Variants in CAMTA1 observed in about 807,000 individuals in gnomAD.
The protein encoded by CAMTA1 is calmodulin binding transcription activator 1.
Under a neutral mutation model 170.9 loss-of-function variants are expected in CAMTA1, and 27 were observed. The observed-to-expected ratio is 0.16, with a 90% confidence interval of 0.12 to 0.22. The LOEUF is 0.22. Among genes scored for constraint, CAMTA1 ranks in the 10% least tolerant of loss-of-function variants. The pLI is 1.00. For missense variants in CAMTA1, 1,619 were observed against 2,217.2 expected (o/e 0.73, Z 5.42); for synonymous variants, 833 against 891.5 (o/e 0.93, Z 1.17).
At chr1:7,135,107 C>A (rs1239067541) in intron 4 of CAMTA1, among the ~76,000 whole-genome samples, 1 of 152,160 alleles carries the variant, frequency 6.6e-6, no homozygotes, top group Admixed American at 6.5e-5. Context: ...TCAAATAAGG[C>A]CAAGTGCAGT....
In CAMTA1 at chr1:7,561,149, A is replaced by AT. The variant is rs2094951835; in HGVS notation, c.511-79251_511-79250insT. On this transcript the variant is annotated intron_variant, in intron 6 of 22. Coordinates refer to ENST00000303635, the MANE Select transcript of CAMTA1 (RefSeq NM_015215.4). The surrounding 1 kb of genome is among the most constrained non-coding windows in gnomAD (Gnocchi z 5.3). Reference sequence around the variant, plus strand: ...TCCAGGCATGGCCAGGGGCTGGCCGAGGGGGGCCGGTGGGTGGTGAATGAA... The same window carrying AT: ...TCCAGGCATGGCCAGGGGCTGGCCGATGGGGGGCCGGTGGGTGGTGAATGAA... Among the ~76,000 whole-genome samples the AT allele has an allele frequency of 6.6e-6, 1 of 151,964 alleles. No homozygotes were observed. The highest frequency in any genetic ancestry group is 1.5e-5 in the Non-Finnish European group (1 of 67,966).
chr1:7,754,883 TA>T (rs536453004), intron 21 of CAMTA1, among the ~76,000 whole-genome samples: 1 of 152,352 alleles, frequency 6.6e-6, no homozygotes, highest in South Asian at 2.1e-4. Flanking sequence ...GAAGAAATCC[TA>T]AAAATCTATC....
rs1666704113 is a variant in CAMTA1, at chr1:7,251,933, T to G, written c.438+2307T>G. Reference sequence around the variant, plus strand: ...ATTGTTTGCAGTTTACCTTTTCCACTCTGCATTGTGGTCTGAGCTGTGTCT... The same window carrying G: ...ATTGTTTGCAGTTTACCTTTTCCACGCTGCATTGTGGTCTGAGCTGTGTCT... On this transcript the variant is annotated intron_variant, in intron 5 of 22. Transcript: ENST00000303635. This position sits in a 1 kb window ranked among gnomAD's most constrained non-coding sequence, Gnocchi z 5.1. 6.6e-6 allele frequency among the ~76,000 whole-genome samples: 1 copy of G among 152,174 alleles called. No individual in the cohort carries two copies. The highest frequency in any genetic ancestry group is 1.5e-5 in the Non-Finnish European group (1 of 68,032).
intron 6 of CAMTA1, among the ~76,000 whole-genome samples, chr1:7,489,686 TAA>T (rs1428455015): frequency 6.6e-6 from 1 of 152,166 alleles, no homozygotes; most frequent in Non-Finnish European, 1.5e-5. Context: ...ACACACTCGT[TAA>T]AGTGGCACGC....
At chr1:6,830,089 T>C (rs1266366445) in intron 3 of CAMTA1, among the ~76,000 whole-genome samples, 3 of 151,804 alleles carry the variant, frequency 2.0e-5, no homozygotes, top group Non-Finnish European at 2.9e-5. Flanking sequence ...CAGGCTGGAG[T>C]GCAGTGGCGC....
At chr1:7,360,143 G>C (rs1020619471) in intron 5 of CAMTA1, among the ~76,000 whole-genome samples, 4 of 152,294 alleles carry the variant, frequency 2.6e-5, no homozygotes, top group African/African-American at 7.2e-5. Context: ...TATTGGATTA[G>C]TGTCCACCCT....
intron 5 of CAMTA1, among the ~76,000 whole-genome samples, chr1:7,390,865 G>A (rs943609205): frequency 1.3e-5 from 2 of 152,230 alleles, no homozygotes; most frequent in Non-Finnish European, 1.5e-5. Flanking sequence ...GGCTGGACTT[G>A]TTTAGCCATT....
chr1:7,535,901 G>T (rs1037026822), intron 6 of CAMTA1, among the ~76,000 whole-genome samples: 2 of 152,168 alleles, frequency 1.3e-5, no homozygotes, highest in Non-Finnish European at 2.9e-5. Context: ...GCCCACAGTG[G>T]GTGAGCTCCG....
intron 3 of CAMTA1, among the ~76,000 whole-genome samples, chr1:6,940,424 C>T (rs1481158636): frequency 1.3e-5 from 1 of 75,160 alleles, no homozygotes; most frequent in Non-Finnish European, 3.8e-5. Flanking sequence ...TTGGATGATG[C>T]CCCCCACACT....
chr1:6,855,120 CTTA>C lies in CAMTA1; in HGVS notation c.234+29915_234+29917del, dbSNP rs1230550299. Among the ~76,000 whole-genome samples, 9 of 152,150 alleles carry C rather than the reference CTTA, an allele frequency of 5.9e-5. No individual in the cohort carries two copies. In the East Asian group the frequency reaches 7.7e-4, roughly 13 times the overall value. On this transcript the variant is annotated intron_variant, in intron 3 of 22. Transcript: ENST00000303635. ...AAAATTAAAAAAAACCTCTTTATAA[CTTA>C]TTATAAATAATAAGCTAGGTTGCAA...
intron 5 of CAMTA1, among the ~76,000 whole-genome samples, chr1:7,422,861 T>C (rs1292500620): frequency 6.6e-6 from 1 of 152,252 alleles, no homozygotes; most frequent in African/African-American, 2.4e-5. Context: ...CCATTGGCTC[T>C]TAGAGACTGG....
chr1:7,482,736 C>A lies in CAMTA1; in HGVS notation c.510+14835C>A, dbSNP rs780551879. Reference sequence around the variant, plus strand: ...GGTTTCTTAGTTTGGAGACCAAGTTCTCAGAAAAACACTGTCGGTTCCAAA... The same window carrying A: ...GGTTTCTTAGTTTGGAGACCAAGTTATCAGAAAAACACTGTCGGTTCCAAA... On this transcript the variant is annotated intron_variant, in intron 6 of 22. Transcript: ENST00000303635. This position sits in a 1 kb window ranked among gnomAD's most constrained non-coding sequence, Gnocchi z 4.2. 1.8e-4 allele frequency among the ~76,000 whole-genome samples: 27 copies of A among 152,188 alleles called. No homozygotes were observed. Among genetic ancestry groups the A allele is most frequent in the Non-Finnish European group, 3.1e-4 (21 of 68,036 alleles).
chr1:7,019,889 A>G (rs11120816), intron 3 of CAMTA1, among the ~76,000 whole-genome samples: 1 of 152,188 alleles, frequency 6.6e-6, no homozygotes, highest in Non-Finnish European at 1.5e-5. Flanking sequence ...TTTGCGATGA[A>G]GTCTTGGAAG....
chr1:7,699,839 C>G (rs886996970), intron 11 of CAMTA1, among the ~76,000 whole-genome samples: 1 of 152,128 alleles, frequency 6.6e-6, no homozygotes, highest in Non-Finnish European at 1.5e-5. Flanking sequence ...GGAGAAATGT[C>G]TATTCAGATA....
chr1:7,644,239 C>T lies in CAMTA1; in HGVS notation c.664+3686C>T, dbSNP rs967053593. Among the ~76,000 whole-genome samples the T allele has an allele frequency of 2.0e-5, 3 of 152,148 alleles. 1 individual carries two copies. The South Asian group carries it at 6.2e-4, about 32-fold the overall frequency. ...TCAGAGAATCCCATCCTGGTCCTTG[C>T]AGCTGTGCCCTTTGGTCAGAAGGGG... On this transcript the variant is annotated intron_variant, in intron 7 of 22. Coordinates refer to ENST00000303635, the MANE Select transcript of CAMTA1 (RefSeq NM_015215.4).
At chr1:7,457,344 G>A (rs1435138422) in intron 5 of CAMTA1, among the ~76,000 whole-genome samples, 5 of 151,674 alleles carry the variant, frequency 3.3e-5, no homozygotes, top group South Asian at 2.1e-4. Context: ...CACTCATGTC[G>A]TCGTTAGGCC....
chr1:7,163,565 TG>T (rs965248433), intron 4 of CAMTA1, among the ~76,000 whole-genome samples: 1 of 152,108 alleles, frequency 6.6e-6, no homozygotes, highest in African/African-American at 2.4e-5. Context: ...AGAAATACTT[TG>T]GAATTGGTAA....
intron 5 of CAMTA1, among the ~76,000 whole-genome samples, chr1:7,351,110 G>A (rs960969514): frequency 1.3e-5 from 2 of 152,226 alleles, no homozygotes; most frequent in African/African-American, 4.8e-5. Context: ...CCTAGGAATT[G>A]TGGGGACTAG....
intron 3 of CAMTA1, among the ~76,000 whole-genome samples, chr1:6,880,401 T>C (rs1282485384): frequency 6.8e-6 from 1 of 147,926 alleles, no homozygotes; most frequent in Admixed American, 6.7e-5. Context: ...TTTTTTTTTT[T>C]TTTTTTGAGA....
Sources: gnomAD v4.1 joint callset for allele counts (sites outside exome capture counted in the v4.1 genomes callset) on GRCh38, gnomAD v4.1.1 for gene constraint, Gnocchi (gnomAD v3.1) non-coding constraint, MANE v1.5 for transcripts, NCBI Gene and HGNC (gene_info 2026-07-23, HGNC 2026-07-21) for gene names.